Variants in ANKRD6 observed in about 807,000 individuals in gnomAD.
ANKRD6 encodes the protein ankyrin repeat domain-containing protein 6.
A neutral mutation model predicts 82.3 loss-of-function variants in ANKRD6; 56 were observed. The observed-to-expected ratio is 0.68, with a 90% confidence interval of 0.55 to 0.85. The LOEUF (loss-of-function observed/expected upper bound fraction) is 0.85, where lower values mean the gene tolerates loss of function less well. Among genes scored for constraint, ANKRD6 ranks in the 40% least tolerant of loss-of-function variants. The pLI is 0.00. For missense variants in ANKRD6, 852 were observed against 907.6 expected, an observed-to-expected ratio of 0.94 and a Z score of 0.79; for synonymous variants, 347 against 352.1, an observed-to-expected ratio of 0.99 and a Z score of 0.16.
At chr6:89,447,920 C>G (rs1453813186) in intron 1 of ANKRD6, among the ~76,000 whole-genome samples, 2 of 150,108 alleles carry the variant, frequency 1.3e-5, no homozygotes, top group Admixed American at 6.7e-5. Context: ...CTCCCAACCT[C>G]AAGTGATCCG....
At chr6:89,451,237 A>G (rs2127955622) in intron 1 of ANKRD6, among the ~76,000 whole-genome samples, 1 of 152,246 alleles carries the variant, frequency 6.6e-6, no homozygotes, top group Admixed American at 6.5e-5. Flanking sequence ...TGAGCCTGGG[A>G]GGTGGAGGTT....
intron 1 of ANKRD6, among the ~76,000 whole-genome samples, chr6:89,538,074 C>T (rs2128000445): frequency 6.6e-6 from 1 of 152,254 alleles, no homozygotes; most frequent in Admixed American, 6.5e-5. Flanking sequence ...ATCTTTACCA[C>T]ACATTCAAAA....
At chr6:89,505,937 A>T (rs1264488566) in intron 1 of ANKRD6, among the ~76,000 whole-genome samples, 2 of 152,220 alleles carry the variant, frequency 1.3e-5, no homozygotes, top group African/African-American at 4.8e-5. Context: ...GCAAGATGTT[A>T]TACTAAATGA....
At position 89,623,854 on chromosome 6, in the gene ANKRD6, T is replaced by C; in HGVS notation, c.1033-18T>C. 1 of 1,606,318 alleles carries C rather than the reference T, an allele frequency of 6.2e-7. No individual in the cohort carries two copies. Among genetic ancestry groups the C allele is most frequent in the Non-Finnish European group, 8.5e-7 (1 of 1,176,476 alleles). On this transcript the variant is annotated intron_variant, in intron 11 of 15. Coordinates refer to ENST00000339746, the MANE Select transcript of ANKRD6 (RefSeq NM_001242809.2). ...GAGGTCAAAGCGTTCAGGGGTGTTG[T>C]CTCTTCCTCTCTTACAGGTGTCAGC...
Position 89,567,074 on chromosome 6 carries a change from G to T in ANKRD6, c.98G>T (p.Gly33Val), listed in dbSNP as rs1301881122. 1 of 1,603,390 alleles carries T rather than the reference G, an allele frequency of 6.2e-7. No homozygotes were observed. The highest frequency in any genetic ancestry group is 1.3e-5 in the African/African-American group (1 of 74,810). Residue 33 changes from glycine (G) to valine (V), a missense_variant, in exon 2 of 16, where the codon GGC (glycine) becomes GTC (valine). Coordinates refer to ENST00000339746, the MANE Select transcript of ANKRD6 (RefSeq NM_001242809.2). ...AATGTGGTTCAGCTCATCAACAAGG[G>T]CGCCAGGGTAGCGGTTACCAAGGTA... Reference protein sequence around the residue: ...TENVVQLINKGARVAVTKHGR... With the variant: ...TENVVQLINKVARVAVTKHGR...
At chr6:89,588,994 CAAA>C (rs34892881) in intron 2 of ANKRD6, among the ~76,000 whole-genome samples, 2 of 48,294 alleles carry the variant, frequency 4.1e-5, no homozygotes. Flanking sequence ...GACTCTGTCT[CAAA>C]AAAAAAAAAA....
intron 1 of ANKRD6, among the ~76,000 whole-genome samples, chr6:89,511,342 G>T (rs1233106260): frequency 6.6e-6 from 1 of 152,210 alleles, no homozygotes; most frequent in African/African-American, 2.4e-5. Flanking sequence ...TCTGAGTAGT[G>T]CTGCAGCCAT....
intron 1 of ANKRD6, among the ~76,000 whole-genome samples, chr6:89,519,350 T>C (rs1308911147): frequency 6.6e-6 from 1 of 152,190 alleles, no homozygotes; most frequent in African/African-American, 2.4e-5. Flanking sequence ...ACAATACCAG[T>C]TGGATTTTGG....
intron 1 of ANKRD6, among the ~76,000 whole-genome samples, chr6:89,491,984 T>C (rs1345517596): frequency 6.6e-6 from 1 of 152,166 alleles, no homozygotes; most frequent in African/African-American, 2.4e-5. Flanking sequence ...TTCTTCATCA[T>C]ACCCAGCATA....
At chr6:89,575,580 A>G (rs1214272423) in intron 2 of ANKRD6, among the ~76,000 whole-genome samples, 2 of 152,234 alleles carry the variant, frequency 1.3e-5, no homozygotes, top group African/African-American at 4.8e-5. Flanking sequence ...TGGGAGCTCA[A>G]TATGCCCAGG....
At chr6:89,541,748 G>A (rs979977816) in intron 1 of ANKRD6, among the ~76,000 whole-genome samples, 4 of 151,530 alleles carry the variant, frequency 2.6e-5, no homozygotes, top group Admixed American at 1.3e-4. Context: ...TTTGTATCCT[G>A]CAACATTACT....
intron 1 of ANKRD6, among the ~76,000 whole-genome samples, chr6:89,550,113 G>GAA (rs1554232941): frequency 1.3e-5 from 2 of 151,822 alleles, no homozygotes; most frequent in Non-Finnish European, 2.9e-5. Context: ...AAGAAAGAAA[G>GAA]AAACCAGCTA....
chr6:89,539,898 G>A (rs1364301972), intron 1 of ANKRD6, among the ~76,000 whole-genome samples: 1 of 149,172 alleles, frequency 6.7e-6, no homozygotes, highest in African/African-American at 2.5e-5. Flanking sequence ...AGATGTTTTT[G>A]CGATGTTTGT....
At chr6:89,497,392 C>T (rs544323676) in intron 1 of ANKRD6, among the ~76,000 whole-genome samples, 23 of 152,276 alleles carry the variant, frequency 1.5e-4, no homozygotes, top group African/African-American at 5.1e-4. Flanking sequence ...AGTTCTGCTG[C>T]GTAAAGTAGG....
intron 2 of ANKRD6, among the ~76,000 whole-genome samples, chr6:89,571,899 A>G (rs925077170): frequency 1.3e-5 from 2 of 152,132 alleles, no homozygotes; most frequent in African/African-American, 4.8e-5. Context: ...TGCTCTAAAG[A>G]TCCTCTGTGC....
intron 1 of ANKRD6, among the ~76,000 whole-genome samples, chr6:89,534,397 A>G (rs1783575792): frequency 6.6e-6 from 1 of 152,206 alleles, no homozygotes; most frequent in Non-Finnish European, 1.5e-5. Context: ...ATCTTATGAA[A>G]AAGTTATTTT....
At chr6:89,454,451 C>G (rs1039734898) in intron 1 of ANKRD6, among the ~76,000 whole-genome samples, 1 of 152,172 alleles carries the variant, frequency 6.6e-6, no homozygotes, top group African/African-American at 2.4e-5. Flanking sequence ...TTGGTTTGCT[C>G]TCTGTGCAAG....
chr6:89,623,413 A>G lies in ANKRD6; in HGVS notation c.901A>G (p.Ser301Gly). The G allele has an allele frequency of 6.2e-7, 1 of 1,612,610 alleles. No individual in the cohort carries two copies. Residue 301 changes from serine (S) to glycine (G), a missense_variant, in exon 11 of 16, where the codon AGT becomes GGT. Coordinates refer to ENST00000339746, the MANE Select transcript of ANKRD6 (RefSeq NM_001242809.2). ...PRDEVAQSKG[S>G]VSAGDTPSSE... ...TCTGGGCTTTTTCCTTCTGTAGGGC[A>G]GTGTCTCAGCAGGAGACACCCCCAG...
intron 1 of ANKRD6, among the ~76,000 whole-genome samples, chr6:89,439,717 G>A (rs545139418): frequency 2.0e-4 from 31 of 151,328 alleles, no homozygotes; most frequent in African/African-American, 6.3e-4. Context: ...TTCTTTTTCC[G>A]AGACAGGGTC....
Sources: gnomAD v4.1 joint callset for allele counts (sites outside exome capture counted in the v4.1 genomes callset) on GRCh38, gnomAD v4.1.1 for gene constraint, MANE v1.5 for transcripts, NCBI Gene and HGNC (gene_info 2026-07-23, HGNC 2026-07-21) for gene names.